The following WWOX variants were observed in gnomAD, a reference collection of about 807,000 sequenced individuals.
WWOX encodes the protein WW domain containing oxidoreductase, also known as WW domain-containing oxidoreductase.
Under a neutral mutation model 46.2 loss-of-function variants are expected in WWOX, and 69 were observed. That is an observed-to-expected ratio of 1.49 (90% CI 1.23 to 1.82). The LOEUF is 1.82. Among genes scored for constraint, WWOX ranks in the 40% most tolerant of loss-of-function variants. The pLI is 0.00. For synonymous variants in WWOX, 359 were observed against 202.6 expected (o/e 1.77, Z -6.56); for missense variants, 919 against 542.6 (o/e 1.69, Z -6.89).
intron 8 of WWOX, among the ~76,000 whole-genome samples, chr16:78,835,860 A>G (rs531924667): frequency 3.9e-4 from 59 of 152,206 alleles, no homozygotes; most frequent in Non-Finnish European, 5.6e-4. Flanking sequence ...TGAATTCAAC[A>G]TATTTATTTT....
intron 8 of WWOX, among the ~76,000 whole-genome samples, chr16:78,629,644 C>T (rs1047679670): frequency 1.3e-5 from 2 of 152,220 alleles, no homozygotes; most frequent in African/African-American, 4.8e-5. Flanking sequence ...TACCCTGCTC[C>T]TTGCCACAGG....
chr16:78,279,961 C>T (rs1284939113), intron 5 of WWOX, among the ~76,000 whole-genome samples: 4 of 152,172 alleles, frequency 2.6e-5, no homozygotes, highest in East Asian at 1.9e-4. Context: ...AAACAGGAAA[C>T]CACAGATGAA....
chr16:79,023,083 G>A (rs905626655), intron 8 of WWOX, among the ~76,000 whole-genome samples: 1 of 151,982 alleles, frequency 6.6e-6, no homozygotes, highest in African/African-American at 2.4e-5. Flanking sequence ...CCACAATATA[G>A]CAACAGCAAT....
At chr16:78,853,697 T>C (rs1284782639) in intron 8 of WWOX, among the ~76,000 whole-genome samples, 6 of 152,150 alleles carry the variant, frequency 3.9e-5, no homozygotes, top group Non-Finnish European at 8.8e-5. Context: ...GTATGCACTC[T>C]CCTGCGTGGT....
intron 8 of WWOX, among the ~76,000 whole-genome samples, chr16:79,198,529 G>A (rs1311089104): frequency 6.6e-6 from 1 of 152,164 alleles, no homozygotes; most frequent in Non-Finnish European, 1.5e-5. Context: ...AGTCTCAGGT[G>A]CCCCTTGGTG....
At chr16:78,139,611 C>G (rs2033917405) in intron 4 of WWOX, among the ~76,000 whole-genome samples, 1 of 152,204 alleles carries the variant, frequency 6.6e-6, no homozygotes, top group South Asian at 2.1e-4. Context: ...CGCCACTGCA[C>G]TCCAGCCCAG....
At chr16:78,621,023 G>T (rs1399911644) in intron 8 of WWOX, among the ~76,000 whole-genome samples, 5 of 152,032 alleles carry the variant, frequency 3.3e-5, no homozygotes, top group South Asian at 4.1e-4. Flanking sequence ...CTGTTGAAAG[G>T]CTCCTTCTGT....
intron 8 of WWOX, among the ~76,000 whole-genome samples, chr16:78,456,171 C>T (rs749229429): frequency 5.3e-5 from 8 of 152,198 alleles, no homozygotes; most frequent in Non-Finnish European, 1.0e-4. Context: ...CTGTTGGCCC[C>T]AGGTTGTGTC....
At chr16:78,798,068 G>C (rs374467189) in intron 8 of WWOX, among the ~76,000 whole-genome samples, 4 of 152,178 alleles carry the variant, frequency 2.6e-5, no homozygotes, top group African/African-American at 9.7e-5. Flanking sequence ...TTCTCCTTTT[G>C]TTTCTGGGGA....
chr16:78,965,975 G>T (rs796839898), intron 8 of WWOX, among the ~76,000 whole-genome samples: 4 of 152,300 alleles, frequency 2.6e-5, no homozygotes, highest in African/African-American at 9.6e-5. Context: ...AGGAGATGCT[G>T]TGATTTGGTT....
intron 8 of WWOX, among the ~76,000 whole-genome samples, chr16:78,872,509 A>C (rs1458125920): frequency 1.3e-5 from 2 of 152,228 alleles, no homozygotes; most frequent in East Asian, 3.8e-4. Flanking sequence ...CAGGCCTGGC[A>C]TCTGTGGCCT....
intron 8 of WWOX, among the ~76,000 whole-genome samples, chr16:79,049,263 G>A (rs185742770): frequency 3.9e-5 from 6 of 152,316 alleles, no homozygotes. Flanking sequence ...ACAAAAACAA[G>A]AGGAGGGCCA....
chr16:78,347,285 C>T lies in WWOX; in HGVS notation c.517-39575C>T, dbSNP rs796287335. Among the ~76,000 whole-genome samples the T allele has an allele frequency of 7.8e-5, 9 of 116,072 alleles. 1 individual carries two copies. Among genetic ancestry groups the T allele is most frequent in the African/African-American group, 2.4e-4 (8 of 34,004 alleles). The allele number at this position is 116,072 out of a possible 152,430, so 76.1% of individuals were successfully genotyped here. A position where few individuals can be genotyped will look rare whatever the true frequency, so the allele number is the denominator to read the frequency against. ...TGACCCTTTCTCCCTCTGGCCAATG[C>T]TCCTTCCCCTGTAGATCATACCCAT... On this transcript the variant is annotated intron_variant, in intron 5 of 8. Transcript: ENST00000566780.
intron 6 of WWOX, among the ~76,000 whole-genome samples, chr16:78,409,929 C>T (rs887572581): frequency 2.6e-5 from 4 of 152,132 alleles, no homozygotes; most frequent in Admixed American, 6.5e-5. Context: ...GCATGAGCTC[C>T]CTGTCTCAAG....
At chr16:78,763,039 G>A (rs1028510473) in intron 8 of WWOX, among the ~76,000 whole-genome samples, 1 of 152,130 alleles carries the variant, frequency 6.6e-6, no homozygotes, top group African/African-American at 2.4e-5. Context: ...ACGACTCTGG[G>A]ACTTACACTA....
At chr16:78,437,900 A>T (rs894755996) in intron 8 of WWOX, among the ~76,000 whole-genome samples, 4 of 152,200 alleles carry the variant, frequency 2.6e-5, no homozygotes, top group Non-Finnish European at 2.9e-5. Flanking sequence ...GCACGCATTA[A>T]TGTGTATTGT....
At position 79,097,665 on chromosome 16, in the gene WWOX, G is replaced by A. The variant is rs560319909; in HGVS notation, c.1057-113943G>A. Among the ~76,000 whole-genome samples, 51 of 152,250 alleles carry A rather than the reference G, an allele frequency of 3.3e-4. 1 individual carries two copies. In the South Asian group the frequency reaches 3.7e-3, roughly 11 times the overall value. On this transcript the variant is annotated intron_variant, in intron 8 of 8. Coordinates refer to ENST00000566780, the MANE Select transcript of WWOX (RefSeq NM_016373.4). ...AGGGGGTTAGGTTTGTGTGCTAGGG[G>A]TGAACGCTGTGCAATTTAATTCTGT...
intron 5 of WWOX, among the ~76,000 whole-genome samples, chr16:78,320,082 A>T (rs956072980): frequency 3.3e-5 from 5 of 152,190 alleles, no homozygotes. Context: ...CTTTCTCCCT[A>T]AGTAGGCTGG....
At chr16:78,440,085 T>G (rs369211831) in intron 8 of WWOX, among the ~76,000 whole-genome samples, 23 of 152,134 alleles carry the variant, frequency 1.5e-4, no homozygotes, top group African/African-American at 5.3e-4. Context: ...GCCTCTAGAG[T>G]GGCAGGCGAA....
Sources: gnomAD v4.1 joint callset for allele counts (sites outside exome capture counted in the v4.1 genomes callset) on GRCh38, gnomAD v4.1.1 for gene constraint, MANE v1.5 for transcripts, NCBI Gene and HGNC (gene_info 2026-07-23, HGNC 2026-07-21) for gene names.